Variants in DNAH5 observed in about 807,000 individuals in gnomAD.
DNAH5 encodes axonemal beta dynein heavy chain 5.
A neutral mutation model predicts 518.2 loss-of-function variants in DNAH5; 372 were observed. The ratio of observed to expected loss-of-function variants is 0.72; its 90% CI spans 0.66 to 0.78. DNAH5 has a LOEUF of 0.78. Ranked by LOEUF, DNAH5 falls within the 30% of genes least tolerant of loss-of-function variation. The pLI is 0.00. For synonymous variants in DNAH5, 2,039 were observed against 2,025.9 expected (o/e 1.01, Z -0.17); for missense variants, 5,523 against 5,687.0 (o/e 0.97, Z 0.93).
rs1469012975 is a variant in DNAH5 at position 13,793,555 on chromosome 5, A to C, written c.8184T>G (p.Asn2728Lys). 61 of 1,613,970 alleles carry C rather than the reference A, an allele frequency of 3.8e-5. No individual in the cohort carries two copies. Among genetic ancestry groups the C allele is most frequent in the Non-Finnish European group, 4.7e-5 (55 of 1,180,016 alleles). Residue 2728 changes from asparagine (N) to lysine (K), a missense_variant, in exon 49 of 79, where the codon AAT becomes AAG. Physicochemically the swap from Asn to Lys is moderately conservative, Grantham distance 94 (BLOSUM62 0). Coordinates refer to ENST00000265104, the MANE Select transcript of DNAH5 (RefSeq NM_001369.3). ...CAGAAGCTTCAGAGGGCAACGTGCA[A>C]TTAAATATAGAGAACTGCCTCTTGA... is the stretch of plus-strand genomic sequence containing the variant. ...QRLKRQFSIF[N>K]CTLPSEASVD...
chr5:13,911,422 A>T lies in DNAH5; in HGVS notation c.1608T>A (p.Asp536Glu), dbSNP rs1157588262. 1.9e-6 allele frequency: 3 copies of T among 1,613,882 alleles called. No individual in the cohort carries two copies. Among genetic ancestry groups the T allele is most frequent in the Non-Finnish European group, 2.5e-6 (3 of 1,179,976 alleles). ...LDQRKMDFDQ[D>E]YEEFCKQTND... ...TAGTCTGCTTGCAAAACTCTTCGTA[A>T]TCTTGGTCAAAATCCATTTTCCGCT... Residue 536 changes from aspartate (D) to glutamate (E), a missense_variant, in exon 12 of 79, where the codon GAT becomes GAA. Coordinates refer to ENST00000265104, the MANE Select transcript of DNAH5 (RefSeq NM_001369.3).
At chr5:13,861,388 A>G (rs1173701632) in intron 29 of DNAH5, among the ~76,000 whole-genome samples, 1 of 152,246 alleles carries the variant, frequency 6.6e-6, no homozygotes, top group Non-Finnish European at 1.5e-5. Flanking sequence ...AATAGTATGA[A>G]GTACACAGTA....
chr5:13,951,511 T>G (rs568912590), intron 1 of DNAH5, among the ~76,000 whole-genome samples: 6 of 152,174 alleles, frequency 3.9e-5, no homozygotes, highest in Non-Finnish European at 8.8e-5. Flanking sequence ...TGAGCCACCA[T>G]GCCTGGCCCA....
intron 71 of DNAH5, among the ~76,000 whole-genome samples, chr5:13,719,915 A>T (rs536619704): frequency 6.6e-6 from 1 of 152,336 alleles, no homozygotes; most frequent in East Asian, 1.9e-4. Flanking sequence ...CCATAAGGAT[A>T]GGAAGGTCTT....
At chr5:13,720,094 T>G (rs1744839485) in intron 71 of DNAH5, among the ~76,000 whole-genome samples, 1 of 113,772 alleles carries the variant, frequency 8.8e-6, no homozygotes, top group Non-Finnish European at 1.8e-5. Flanking sequence ...GAGTTGTCTT[T>G]CAAAAAGAAA....
At chr5:13,943,506 T>A (rs143112010) in intron 1 of DNAH5, among the ~76,000 whole-genome samples, 1 of 152,326 alleles carries the variant, frequency 6.6e-6, no homozygotes, top group East Asian at 1.9e-4. Context: ...GTGCATGGAC[T>A]GGCTGGAGTC....
chr5:13,881,345 C>A (rs1268166385), intron 21 of DNAH5, among the ~76,000 whole-genome samples: 1 of 151,972 alleles, frequency 6.6e-6, no homozygotes, highest in Non-Finnish European at 1.5e-5. Context: ...CATATACATT[C>A]TTCTCGAGTG....
chr5:13,750,865 G>A (rs1358948477), intron 65 of DNAH5, among the ~76,000 whole-genome samples: 2 of 152,054 alleles, frequency 1.3e-5, no homozygotes, highest in African/African-American at 2.4e-5. Context: ...GATGACATAC[G>A]TAATTTATGA....
chr5:13,866,698 AC>A (rs1466157653), intron 25 of DNAH5, among the ~76,000 whole-genome samples: 1 of 152,160 alleles, frequency 6.6e-6, no homozygotes, highest in African/African-American at 2.4e-5. Flanking sequence ...AGATTTTCCA[AC>A]ATTAGAAAAT....
intron 19 of DNAH5, among the ~76,000 whole-genome samples, 153 bp from the exon 20 acceptor site, chr5:13,883,247 T>C (rs1011270825): frequency 2.6e-5 from 4 of 151,928 alleles, no homozygotes; most frequent in African/African-American, 9.7e-5. Flanking sequence ...TAATGGAGGA[T>C]CTAGTATTGC....
At chr5:13,746,589 G>T (rs1377253525) in intron 65 of DNAH5, among the ~76,000 whole-genome samples, 1 of 152,036 alleles carries the variant, frequency 6.6e-6, no homozygotes, top group Non-Finnish European at 1.5e-5. Context: ...ATATTTATGG[G>T]GTAGTGACTC....
chr5:13,830,667 G>C lies in DNAH5; in HGVS notation c.5991C>G (p.Leu1997=). The C allele has an allele frequency of 6.2e-7, 1 of 1,614,134 alleles. No individual in the cohort carries two copies. The change falls in exon 36 of 79, where the codon CTC becomes CTG. Residue 1997 remains leucine (L), a synonymous_variant. Coordinates refer to ENST00000265104, the MANE Select transcript of DNAH5 (RefSeq NM_001369.3). The part of the protein sequence containing the change: ...TETTKDMGRC[L]GKYVVVFNCS... ...AATTGAAAACCACGACGTATTTCCCGAGGCATCGTCCCATGTCTTTAGTGG... is the reference window on the plus strand; with the variant it reads ...AATTGAAAACCACGACGTATTTCCCCAGGCATCGTCCCATGTCTTTAGTGG...
intron 1 of DNAH5, among the ~76,000 whole-genome samples, chr5:13,943,795 G>A (rs1315685176): frequency 6.6e-6 from 1 of 152,222 alleles, no homozygotes; most frequent in East Asian, 1.9e-4. Context: ...GAGTCCTAGA[G>A]AAACCTCCAA....
At chr5:13,835,872 A>G (rs1404104389) in intron 35 of DNAH5, among the ~76,000 whole-genome samples, 1 of 152,180 alleles carries the variant, frequency 6.6e-6, no homozygotes, top group African/African-American at 2.4e-5. Flanking sequence ...GGCACAAGGC[A>G]AAGGACCCTG....
intron 25 of DNAH5, among the ~76,000 whole-genome samples, 190 bp downstream of exon 25, chr5:13,867,584 G>C (rs1432239031): frequency 6.6e-6 from 1 of 151,398 alleles, no homozygotes; most frequent in Non-Finnish European, 1.5e-5. Flanking sequence ...TGTGAAAACA[G>C]ACTAATAGAA....
At chr5:13,731,511 A>G (rs1353107093) in intron 68 of DNAH5, among the ~76,000 whole-genome samples, 1 of 152,214 alleles carries the variant, frequency 6.6e-6, no homozygotes, top group Non-Finnish European at 1.5e-5. Flanking sequence ...TAGTGATTGT[A>G]ACTTGGGGGA....
At chr5:13,882,686 T>C (rs1461762914) in intron 21 of DNAH5, 42 bp downstream of exon 21, 2 of 1,464,008 alleles carry the variant, frequency 1.4e-6, no homozygotes, top group South Asian at 1.1e-5. Flanking sequence ...CAATGAATGT[T>C]GATTTACAAT....
chr5:13,727,688 T>C, intron 69 of DNAH5, 32 bp from the exon 70 acceptor site: 1 of 1,613,290 alleles, frequency 6.2e-7, no homozygotes, highest in South Asian at 1.1e-5. Flanking sequence ...AACTGTGTCA[T>C]GCCACCCAAC....
At chr5:13,762,641 A>G (rs980197857) in intron 60 of DNAH5, 81 bp downstream of exon 60, 1 of 1,297,284 alleles carries the variant, frequency 7.7e-7, no homozygotes, top group South Asian at 1.2e-5. Context: ...CCACAGGCAC[A>G]TGTGCTCCTG....
Sources: allele counts gnomAD v4.1 joint callset (sites outside exome capture counted in the v4.1 genomes callset), GRCh38; gene constraint gnomAD v4.1.1; transcripts MANE v1.5; gene names NCBI Gene and HGNC (gene_info 2026-07-23, HGNC 2026-07-21).